Variants in SLC12A6 observed in about 807,000 individuals in gnomAD.
SLC12A6 encodes the protein K-Cl cotransporter 3.
In SLC12A6, 66 loss-of-function variants were observed where a neutral mutation model predicts 135.3. That is an observed-to-expected ratio of 0.49 (90% CI 0.40 to 0.60). The LOEUF (loss-of-function observed/expected upper bound fraction) is 0.60. Among genes scored for constraint, SLC12A6 ranks in the 20% least tolerant of loss-of-function variants. SLC12A6 has a pLI of 0.00. For missense variants in SLC12A6, 1,058 were observed against 1,452.3 expected (o/e 0.73, Z 4.41); for synonymous variants, 513 against 508.8 (o/e 1.01, Z -0.11).
At chr15:34,282,813 A>G (rs914663272) in intron 2 of SLC12A6, among the ~76,000 whole-genome samples, 2 of 152,214 alleles carry the variant, frequency 1.3e-5, no homozygotes, top group Non-Finnish European at 2.9e-5. Flanking sequence ...GTTAAACTAC[A>G]AATTTCTGGG....
intron 25 of SLC12A6, 86 bp downstream of exon 25, chr15:34,235,095 A>G: frequency 8.1e-7 from 1 of 1,230,548 alleles, no homozygotes; most frequent in South Asian, 1.2e-5. Context: ...TGGGGCATAG[A>G]CAATGACTTT....
At chr15:34,254,279 T>C in intron 9 of SLC12A6, 69 bp downstream of exon 9, 2 of 1,466,618 alleles carry the variant, frequency 1.4e-6, no homozygotes, top group Non-Finnish European at 1.9e-6. Context: ...TGACTTAAAA[T>C]TATCACACCA....
At chr15:34,314,400 G>T (rs532970266) in intron 2 of SLC12A6, among the ~76,000 whole-genome samples, 142 of 152,302 alleles carry the variant, frequency 9.3e-4, no homozygotes, top group African/African-American at 3.2e-3. Flanking sequence ...AGGAAAAAAA[G>T]ATTTCTTTCA....
rs552481151 is a variant in SLC12A6 at position 34,230,261 on chromosome 15, T to C, written c.*3620A>G. 1 of 161,652 alleles carries C rather than the reference T, an allele frequency of 6.2e-6. No individual in the cohort carries two copies. Among genetic ancestry groups the C allele is most frequent in the South Asian group, 1.8e-4 (1 of 5,696 alleles). The allele number at this position is 161,652 out of a possible 1,614,324, so 10.0% of individuals were successfully genotyped here. A position where few individuals can be genotyped will look rare whatever the true frequency, so the allele number is the denominator to read the frequency against. On this transcript the variant is annotated 3_prime_UTR_variant, in exon 26 of 26. Transcript: ENST00000354181. The stretch of plus-strand genomic sequence containing the variant: ...CCTGGGGGAAGATGTGAGAAACTAA[T>C]GCTGAATTCAGCTTATACATGATGA...
At chr15:34,237,345 C>T in intron 22 of SLC12A6, 74 bp downstream of exon 22, 1 of 1,437,656 alleles carries the variant, frequency 7.0e-7, no homozygotes, top group South Asian at 1.2e-5. Context: ...TTTCCCAAAC[C>T]AGAAAAGATT....
At chr15:34,267,660 G>A (rs1245517915) in intron 3 of SLC12A6, among the ~76,000 whole-genome samples, 1 of 152,222 alleles carries the variant, frequency 6.6e-6, no homozygotes, top group Non-Finnish European at 1.5e-5. Context: ...ACTAGCATGA[G>A]CAACATTGTG....
chr15:34,287,897 G>C (rs188515498), intron 2 of SLC12A6, among the ~76,000 whole-genome samples: 2 of 152,306 alleles, frequency 1.3e-5, no homozygotes, highest in African/African-American at 4.8e-5. Flanking sequence ...CAGATGGATA[G>C]ATAGCAAAAA....
intron 2 of SLC12A6, among the ~76,000 whole-genome samples, chr15:34,278,523 C>T (rs2140902896): frequency 6.6e-6 from 1 of 152,284 alleles, no homozygotes; most frequent in Non-Finnish European, 1.5e-5. Context: ...CTAGACAAGC[C>T]AGGAGTCTTC....
chr15:34,237,259 T>TGTA (rs1445961023), intron 22 of SLC12A6, 160 bp downstream of exon 22: 2 of 612,282 alleles, frequency 3.3e-6, no homozygotes, highest in Non-Finnish European at 5.6e-6. Context: ...TACATTCTAC[T>TGTA]TAGGGCAACA....
chr15:34,285,638 G>A (rs928400913), intron 2 of SLC12A6, among the ~76,000 whole-genome samples: 2 of 146,114 alleles, frequency 1.4e-5, no homozygotes, highest in South Asian at 2.2e-4. Flanking sequence ...TTCATTTAAA[G>A]AGGTGGAAGC....
chr15:34,249,108 T>A (rs1375330703), intron 13 of SLC12A6, among the ~76,000 whole-genome samples: 2 of 152,110 alleles, frequency 1.3e-5, no homozygotes, highest in African/African-American at 2.4e-5. Context: ...TTTAGAAAAG[T>A]CATTCTGGTG....
intron 3 of SLC12A6, among the ~76,000 whole-genome samples, chr15:34,274,567 C>A (rs545012012): frequency 6.6e-6 from 1 of 152,148 alleles, no homozygotes; most frequent in East Asian, 1.9e-4. Flanking sequence ...GTAATCCCAG[C>A]ATTTTGGGAG....
chr15:34,318,870 C>A (rs1386839005), intron 2 of SLC12A6: 2 of 1,416,172 alleles, frequency 1.4e-6, no homozygotes, highest in African/African-American at 1.4e-5. Flanking sequence ...TGAAGACACG[C>A]CTTCCACAGT....
intron 13 of SLC12A6, among the ~76,000 whole-genome samples, chr15:34,249,406 T>TA (rs945319700): frequency 4.2e-4 from 63 of 151,298 alleles, no homozygotes; most frequent in Non-Finnish European, 7.5e-4. Context: ...CAAAAAAAAT[T>TA]AAAAAAAACT....
At chr15:34,276,342 GTTTGAC>G (rs1400890201) in intron 2 of SLC12A6, among the ~76,000 whole-genome samples, 1 of 152,146 alleles carries the variant, frequency 6.6e-6, no homozygotes, top group Non-Finnish European at 1.5e-5. Flanking sequence ...TATTCTAGTA[GTTTGAC>G]TTTAAGATAC....
intron 14 of SLC12A6, 60 bp from the exon 15 acceptor site, chr15:34,245,463 C>A: frequency 9.6e-7 from 1 of 1,045,054 alleles, no homozygotes; most frequent in South Asian, 1.3e-5. Flanking sequence ...TCTGATTTCT[C>A]TAGCCTACAG....
At chr15:34,292,778 C>T (rs572053533) in intron 2 of SLC12A6, among the ~76,000 whole-genome samples, 1 of 152,312 alleles carries the variant, frequency 6.6e-6, no homozygotes, top group Admixed American at 6.5e-5. Context: ...GACTGCTGTG[C>T]TAGCAGCTAG....
chr15:34,255,100 T>G (rs1892657242), intron 8 of SLC12A6, among the ~76,000 whole-genome samples, 162 bp downstream of exon 8: 1 of 152,208 alleles, frequency 6.6e-6, no homozygotes, highest in African/African-American at 2.4e-5. Flanking sequence ...CAAACAGAAT[T>G]TCAACCTTTC....
At chr15:34,322,405 C>T (rs1406841383) in intron 2 of SLC12A6, among the ~76,000 whole-genome samples, 1 of 151,768 alleles carries the variant, frequency 6.6e-6, no homozygotes, top group Non-Finnish European at 1.5e-5. Context: ...AAAACTCGTG[C>T]CTTCACTGTA....
Sources: allele counts gnomAD v4.1 joint callset (sites outside exome capture counted in the v4.1 genomes callset), GRCh38; gene constraint gnomAD v4.1.1; transcripts MANE v1.5; gene names NCBI Gene and HGNC (gene_info 2026-07-23, HGNC 2026-07-21).